Variants in E2F7 observed in about 807,000 individuals in gnomAD.
The protein encoded by E2F7 is transcription factor E2F7.
In E2F7, 35 loss-of-function variants were observed where a neutral mutation model predicts 81.1. The ratio of observed to expected loss-of-function variants is 0.43; its 90% CI spans 0.33 to 0.57. E2F7 has a LOEUF of 0.57. Ranked by LOEUF, E2F7 falls within the 20% of genes least tolerant of loss-of-function variation. The pLI, the probability that E2F7 is intolerant of heterozygous loss-of-function variation, is 0.04. For missense variants in E2F7, 961 were observed against 1,093.7 expected, an observed-to-expected ratio of 0.88 and a Z score of 1.71; for synonymous variants, 416 against 416.2, an observed-to-expected ratio of 1.00 and a Z score of 0.01.
intron 2 of E2F7, among the ~76,000 whole-genome samples, 168 bp from the exon 3 acceptor site, chr12:77,056,298 G>T (rs1279335699): frequency 6.6e-6 from 1 of 152,194 alleles, no homozygotes; most frequent in Admixed American, 6.5e-5. Context: ...GGGAATAGAA[G>T]AGTGGCTCCA....
At chr12:77,029,803 C>A in intron 10 of E2F7, 28 bp downstream of exon 10, 1 of 1,610,920 alleles carries the variant, frequency 6.2e-7, no homozygotes, top group Non-Finnish European at 8.5e-7. Flanking sequence ...CAGGATGTCA[C>A]CAGACACATC....
rs866802868 is a variant in E2F7 at position 77,033,856 on chromosome 12, C to A, written c.1309+1G>T. On this transcript the variant is annotated splice_donor_variant, in intron 8 of 12. Coordinates refer to ENST00000322886, the MANE Select transcript of E2F7 (RefSeq NM_203394.3). LOFTEE classifies it high-confidence loss of function. ...TCCATAGATTATGCAAGGGCAGATA[C>A]CTTGTTCTTCTCTGTACGGGCTGCT... The A allele has an allele frequency of 6.3e-7, 1 of 1,599,120 alleles. No individual in the cohort carries two copies. Among genetic ancestry groups the A allele is most frequent in the African/African-American group, 1.3e-5 (1 of 74,080 alleles).
chr12:77,054,479 C>T (rs1046644006), intron 3 of E2F7, among the ~76,000 whole-genome samples: 3 of 151,780 alleles, frequency 2.0e-5, no homozygotes, highest in Non-Finnish European at 2.9e-5. Context: ...ACCTGTATAC[C>T]AAAAATTGTG....
At position 77,055,138 on chromosome 12, in the gene E2F7, A is replaced by G. The variant is rs1008896090; in HGVS notation, c.369+717T>C. ...CTCTTACTACTACCGCTACTCTACC[A>G]CTGCAAGATATATAACAGATTAAAT... On this transcript the variant is annotated intron_variant, in intron 3 of 12. Coordinates refer to ENST00000322886, the MANE Select transcript of E2F7 (RefSeq NM_203394.3). Among the ~76,000 whole-genome samples the G allele has an allele frequency of 2.0e-5, 3 of 152,208 alleles. No individual in the cohort carries two copies. The South Asian group carries it at 6.2e-4, about 32-fold the overall frequency.
At chr12:77,046,428 A>G (rs1954943449) in intron 4 of E2F7, 100 bp from the exon 5 acceptor site, 1 of 1,292,290 alleles carries the variant, frequency 7.7e-7, no homozygotes, top group African/African-American at 1.5e-5. Context: ...ACTTTGTCTG[A>G]TCCCCAATAT....
intron 7 of E2F7, among the ~76,000 whole-genome samples, chr12:77,040,026 T>C (rs1337786714): frequency 1.3e-5 from 2 of 152,218 alleles, no homozygotes; most frequent in Non-Finnish European, 2.9e-5. Context: ...AGTTATGTTC[T>C]ATAAAGTCAC....
chr12:77,028,162 C>T, intron 10 of E2F7, 24 bp from the exon 11 acceptor site: 1 of 1,583,898 alleles, frequency 6.3e-7, no homozygotes, highest in Non-Finnish European at 8.6e-7. Context: ...AACCAGGAAG[C>T]AAGAAAGTAA....
rs776623056 is a variant in E2F7, at chr12:77,024,202, G to GAAAA, written c.2566-21_2566-18dup. On this transcript the variant is annotated splice_polypyrimidine_tract_variant and intron_variant, in intron 12 of 12. Coordinates refer to ENST00000322886, the MANE Select transcript of E2F7 (RefSeq NM_203394.3). ...AACTGGTGACTGAAAAAAGAAAAAAGAAAAAACAGAAGTGAAGTCATATTG... is the reference window on the plus strand; with the variant it reads ...AACTGGTGACTGAAAAAAGAAAAAAGAAAAAAAAAACAGAAGTGAAGTCATATTG... 1.2e-5 allele frequency: 20 copies of GAAAA among 1,606,704 alleles called. No homozygotes were observed. The African/African-American group carries it at 2.7e-4, about 22-fold the overall frequency.
intron 11 of E2F7, 138 bp from the exon 12 acceptor site, chr12:77,026,120 G>T: frequency 2.0e-6 from 2 of 997,892 alleles, no homozygotes; most frequent in Non-Finnish European, 2.9e-6. Context: ...CAGCTGACCA[G>T]GCCAAACAGC....
intron 2 of E2F7, among the ~76,000 whole-genome samples, chr12:77,059,982 A>G (rs1304419082): frequency 1.4e-5 from 2 of 141,752 alleles, no homozygotes; most frequent in Non-Finnish European, 3.1e-5. Context: ...AAAAAAAAAA[A>G]GCCAGGCCTC....
chr12:77,047,177 CT>C (rs1954950250), intron 4 of E2F7, among the ~76,000 whole-genome samples: 1 of 152,150 alleles, frequency 6.6e-6, no homozygotes, highest in African/African-American at 2.4e-5. Context: ...AGCAAAAATA[CT>C]TATAGTTGTT....
rs200375377 is a variant in E2F7, at chr12:77,028,473, C to CTTT, written c.1885-338_1885-336dup. Among the ~76,000 whole-genome samples the CTTT allele has an allele frequency of 1.2e-3, 169 of 143,896 alleles. 1 individual carries two copies. The highest frequency in any genetic ancestry group is 2.5e-3 in the Admixed American group (36 of 14,418). 94.4% of individuals were successfully genotyped at this position (143,896 alleles called of 152,430 possible). On this transcript the variant is annotated intron_variant, in intron 10 of 12. Coordinates refer to ENST00000322886, the MANE Select transcript of E2F7 (RefSeq NM_203394.3). ...TCCCAAAGTACTGGGATTAGTAAAT[C>CTTT]TTTTTTTTTTTTGAGACAGAGTCTC... is the stretch of plus-strand genomic sequence containing the variant.
At chr12:77,033,348 A>G (rs900655429) in intron 8 of E2F7, among the ~76,000 whole-genome samples, 1 of 152,076 alleles carries the variant, frequency 6.6e-6, no homozygotes, top group African/African-American at 2.4e-5. Context: ...CCCCGTCTCT[A>G]CAAAAAACGA....
intron 7 of E2F7, 133 bp from the exon 8 acceptor site, chr12:77,034,175 CAA>C: frequency 1.4e-6 from 1 of 690,142 alleles, no homozygotes; most frequent in Non-Finnish European, 2.2e-6. Context: ...CTAAGACAAT[CAA>C]AGGAATTTTA....
At chr12:77,059,380 T>C (rs1473181160) in intron 2 of E2F7, among the ~76,000 whole-genome samples, 1 of 152,226 alleles carries the variant, frequency 6.6e-6, no homozygotes, top group East Asian at 1.9e-4. Flanking sequence ...CTGATTTGTG[T>C]CCCAGCTGTT....
intron 6 of E2F7, 83 bp from the exon 7 acceptor site, chr12:77,043,282 G>A: frequency 6.3e-7 from 1 of 1,583,128 alleles, no homozygotes; most frequent in South Asian, 1.1e-5. Flanking sequence ...ACTTTTCTCG[G>A]CTGCCATATA....
At chr12:77,034,169 G>A in intron 7 of E2F7, 127 bp from the exon 8 acceptor site, 1 of 752,556 alleles carries the variant, frequency 1.3e-6, no homozygotes, top group Non-Finnish European at 1.9e-6. Context: ...CAAAAACTAA[G>A]ACAATCAAAG....
At position 77,033,104 on chromosome 12, in the gene E2F7, A is replaced by G. The variant is rs1433018523; in HGVS notation, c.1328T>C (p.Leu443Ser). 4 of 1,613,748 alleles carry G rather than the reference A, an allele frequency of 2.5e-6. No individual in the cohort carries two copies. Among genetic ancestry groups the G allele is most frequent in the Non-Finnish European group, 3.4e-6 (4 of 1,179,962 alleles). The stretch of plus-strand genomic sequence containing the variant: ...GACAGCTGCCAGGCTTCCAATTTCT[A>G]AAGAGTAGCCACCTGATCCTGAAAA... ...REEQGSGGYS[L>S]EIGSLAAVYR... Residue 443 changes from leucine to serine, a missense_variant, in exon 9 of 13, where the codon TTA becomes TCA. Physicochemically the swap from Leu to Ser is moderately radical, Grantham distance 145. Around this residue, in one of 3 missense-constraint regions of E2F7, gnomAD observed 587 missense variants for 620.3 expected, o/e 0.95. Coordinates refer to ENST00000322886, the MANE Select transcript of E2F7 (RefSeq NM_203394.3).
At chr12:77,026,058 GC>G in intron 11 of E2F7, 76 bp from the exon 12 acceptor site, 2 of 1,456,358 alleles carry the variant, frequency 1.4e-6, no homozygotes, top group Non-Finnish European at 1.8e-6. Flanking sequence ...ATTTGTCATG[GC>G]CCTTTCAAAC....
Sources: gnomAD v4.1 joint callset for allele counts (sites outside exome capture counted in the v4.1 genomes callset) on GRCh38, gnomAD v4.1.1 for gene constraint, gnomAD v4.1.1 regional missense constraint, MANE v1.5 for transcripts, NCBI Gene and HGNC (gene_info 2026-07-23, HGNC 2026-07-21) for gene names.